CTRB2: variants seen among roughly 807,000 people sequenced by gnomAD.
The protein encoded by CTRB2 is chymotrypsin B2.
In CTRB2, 9 loss-of-function variants were observed where a neutral mutation model predicts 19.3. That is an observed-to-expected ratio of 0.47 (90% CI 0.28 to 0.81). The LOEUF is 0.81. Ranked by LOEUF, CTRB2 falls within the 40% of genes least tolerant of loss-of-function variation. The pLI is 0.11. For synonymous variants in CTRB2, 98 were observed against 117.3 expected (o/e 0.84, Z 1.06); for missense variants, 210 against 269.7 (o/e 0.78, Z 1.55).
Position 75,204,214 on chromosome 16 carries a change from C to G in CTRB2, c.739G>C (p.Ala247Pro). ...CAGGGTATGAGCTTGGCGACACGGG[C>G]GTACACAGCGGGCGTGGTGGTAGAG... ...TCSTTTPAVY[A>P]RVAKLIPWVQ... Residue 247 changes from alanine to proline, a missense_variant, in exon 7 of 7, where the codon GCC becomes CCC. This residue lies in a region of CTRB2 where 120 missense variants were observed against 90.8 expected (regional missense o/e 1.32). Coordinates refer to ENST00000303037, the MANE Select transcript of CTRB2 (RefSeq NM_001025200.4). The G allele has an allele frequency of 1.2e-6, 2 of 1,614,040 alleles. No homozygotes were observed. The highest frequency in any genetic ancestry group is 1.7e-6 in the Non-Finnish European group (2 of 1,179,954).
At chr16:75,204,359 G>A in intron 6 of CTRB2, 37 bp from the exon 7 acceptor site, 1 of 1,604,892 alleles carries the variant, frequency 6.2e-7, no homozygotes, top group East Asian at 2.2e-5. Flanking sequence ...AGGCCTGAAA[G>A]GGGTGCCAGG....
rs533062707 is a variant in CTRB2, at chr16:75,204,368, G to A, written c.631-46C>T. 1.9e-6 allele frequency: 3 copies of A among 1,586,236 alleles called. No individual in the cohort carries two copies. In the African/African-American group the frequency reaches 4.0e-5, roughly 21 times the overall value. On this transcript the variant is annotated intron_variant, in intron 6 of 6. Transcript: ENST00000303037. ...ATCTCTAGGCCTGAAAGGGGTGCCA[G>A]GGCCTAGGGGACCCTGACCTGGTGG...
At position 75,204,224 on chromosome 16, in the gene CTRB2, G is replaced by T. The variant is rs150936688; in HGVS notation, c.729C>A (p.Pro243=). 9.9e-6 allele frequency: 16 copies of T among 1,614,110 alleles called. 1 individual carries two copies. The highest frequency in any genetic ancestry group is 6.7e-5 in the East Asian group (3 of 44,878). The change falls in exon 7 of 7, where the codon CCC becomes CCA. Residue 243 remains proline, a synonymous_variant. Coordinates refer to ENST00000303037, the MANE Select transcript of CTRB2 (RefSeq NM_001025200.4). ...WGSRTCSTTT[P]AVYARVAKLI... is the part of the protein sequence containing the mutation. ...GCTTGGCGACACGGGCGTACACAGCGGGCGTGGTGGTAGAGCAGGTGCGGC... is the reference window on the plus strand; with the variant it reads ...GCTTGGCGACACGGGCGTACACAGCTGGCGTGGTGGTAGAGCAGGTGCGGC...
At position 75,207,091 on chromosome 16, in the gene CTRB2, G is replaced by A. The variant is rs753880164; in HGVS notation, c.51C>T (p.Phe17=). The A allele has an allele frequency of 7.4e-5, 115 of 1,555,386 alleles. No individual in the cohort carries two copies. Among genetic ancestry groups the A allele is most frequent in the Non-Finnish European group, 8.9e-5 (102 of 1,148,710 alleles). The change falls in exon 1 of 7, where the codon TTC becomes TTT. Residue 17 remains phenylalanine (F), a splice_region_variant and synonymous_variant. Coordinates refer to ENST00000303037, the MANE Select transcript of CTRB2 (RefSeq NM_001025200.4). Reference sequence around the variant, plus strand: ...GCCTCCGCAGGGCCTGGCACTCACCGAAGGTGGTACCCAGGAGGGCCCAGC... The same window carrying A: ...GCCTCCGCAGGGCCTGGCACTCACCAAAGGTGGTACCCAGGAGGGCCCAGC... ...LSCWALLGTT[F]GCGVPAIHPV...
chr16:75,207,157 G>T lies in CTRB2; in HGVS notation c.-16C>A. ...GGAAAGCCATGGTGCCGCTGGCAGG[G>T]GTGTAGGACGCCTGTCTGCCGGTCC... is the stretch of plus-strand genomic sequence containing the variant. On this transcript the variant is annotated 5_prime_UTR_variant, in exon 1 of 7. Coordinates refer to ENST00000303037, the MANE Select transcript of CTRB2 (RefSeq NM_001025200.4). 6.4e-7 allele frequency: 1 copy of T among 1,554,896 alleles called. No individual in the cohort carries two copies. The highest frequency in any genetic ancestry group is 8.7e-7 in the Non-Finnish European group (1 of 1,148,248).
chr16:75,207,079 C>G lies in CTRB2; in HGVS notation c.52+11G>C, dbSNP rs773684108. ...GAAAACCCTTCGGCCTCCGCAGGGC[C>G]TGGCACTCACCGAAGGTGGTACCCA... On this transcript the variant is annotated intron_variant, in intron 1 of 6. Transcript: ENST00000303037. 1 of 1,553,394 alleles carries G rather than the reference C, an allele frequency of 6.4e-7. No individual in the cohort carries two copies. The highest frequency in any genetic ancestry group is 1.2e-5 in the South Asian group (1 of 84,258).
chr16:75,204,747 C>G, intron 6 of CTRB2, 26 bp downstream of exon 6: 1 of 1,263,136 alleles, frequency 7.9e-7, no homozygotes, highest in Non-Finnish European at 1.1e-6. Flanking sequence ...CTCGCCTGGC[C>G]AGGGCCTGGG....
At chr16:75,204,374 A>C in intron 6 of CTRB2, 52 bp from the exon 7 acceptor site, 2 of 1,566,554 alleles carry the variant, frequency 1.3e-6, no homozygotes, top group Non-Finnish European at 1.7e-6. Flanking sequence ...GCCAGGGCCT[A>C]GGGGACCCTG....
Position 75,204,834 on chromosome 16 carries a change from C to T in CTRB2, c.569G>A (p.Trp190Ter). 2.9e-6 allele frequency: 4 copies of T among 1,378,136 alleles called. No individual in the cohort carries two copies. The highest frequency in any genetic ancestry group is 4.0e-6 in the Non-Finnish European group (4 of 1,006,666). The allele number at this position is 1,378,136 out of a possible 1,614,324, so 85.4% of individuals were successfully genotyped here. The change falls in exon 6 of 7, where the codon TGG (tryptophan) becomes TAG (stop). Residue 190 changes from tryptophan to a stop codon, truncating the protein, a stop_gained. Transcript: ENST00000303037. LOFTEE classifies it high-confidence loss of function. ...LLSNAECKKS[W>*]GRRITDVMIC... ...CATCACGTCGGTGATCCTCCTGCCC[C>T]AGGACTTCTTGCATTCGGCATTGGA...
intron 6 of CTRB2, 115 bp from the exon 7 acceptor site, chr16:75,204,437 G>A: frequency 1.9e-6 from 2 of 1,054,446 alleles, no homozygotes; most frequent in Non-Finnish European, 1.4e-6. Flanking sequence ...TGGGCATAGG[G>A]GCTGTGCCGG....
chr16:75,206,679 C>G (rs1442561358), intron 1 of CTRB2: 2 of 316,774 alleles, frequency 6.3e-6, no homozygotes, highest in Non-Finnish European at 1.2e-5. Flanking sequence ...GGGTGAGGCT[C>G]GAGGTTCTGA....
At position 75,207,049 on chromosome 16, in the gene CTRB2, G is replaced by T. The variant is rs558591104; in HGVS notation, c.52+41C>A. ...TTGCTGGCCTCGGGGCTGGGAGTGAGAGGAGAAAACCCTTCGGCCTCCGCA... is the reference window on the plus strand; with the variant it reads ...TTGCTGGCCTCGGGGCTGGGAGTGATAGGAGAAAACCCTTCGGCCTCCGCA... On this transcript the variant is annotated intron_variant, in intron 1 of 6. Transcript: ENST00000303037. 149 of 1,541,034 alleles carry T rather than the reference G, an allele frequency of 9.7e-5. 1 individual carries two copies. In the East Asian group the frequency reaches 3.6e-3, roughly 37 times the overall value.
In CTRB2 at chr16:75,204,800, G is replaced by A. The variant is rs772412270; in HGVS notation, c.603C>T (p.Ala201=). The change falls in exon 6 of 7, where the codon GCC becomes GCT. Residue 201 remains alanine, a synonymous_variant. Coordinates refer to ENST00000303037, the MANE Select transcript of CTRB2 (RefSeq NM_001025200.4). ...TGCAGGAGGAGACGCCACTGGCCCC[G>A]GCACAGATCATCACGTCGGTGATCC... ...GRRITDVMIC[A]GASGVSSCMG... 169 of 1,440,414 alleles carry A rather than the reference G, an allele frequency of 1.2e-4. 5 individuals are homozygous for A. In the South Asian group the frequency reaches 1.8e-3, roughly 15 times the overall value. 89.2% of individuals were successfully genotyped at this position (1,440,414 alleles called of 1,614,324 possible).
intron 1 of CTRB2, chr16:75,206,411 G>T (rs2038892882): frequency 3.4e-6 from 2 of 593,264 alleles, no homozygotes; most frequent in Non-Finnish European, 5.9e-6. Context: ...GAGGAATGGG[G>T]TGTTGGCCCC....
intron 1 of CTRB2, chr16:75,206,514 TG>T (rs1367219405): frequency 2.3e-6 from 1 of 440,800 alleles, no homozygotes; most frequent in East Asian, 3.9e-5. Flanking sequence ...GGTTTGAACC[TG>T]GCTCCCTCCC....
Position 75,204,192 on chromosome 16 carries a change from G to C in CTRB2, c.761C>G (p.Pro254Arg), listed in dbSNP as rs1241352613. The change falls in exon 7 of 7, where the codon CCC becomes CGC. Residue 254 changes from proline to arginine, a missense_variant. Transcript: ENST00000303037. The stretch of plus-strand genomic sequence containing the variant: ...GGCGGCCAGGATCTTCTGCACCCAG[G>C]GTATGAGCTTGGCGACACGGGCGTA... ...AVYARVAKLI[P>R]WVQKILAAN 3 of 1,614,132 alleles carry C rather than the reference G, an allele frequency of 1.9e-6. No individual in the cohort carries two copies. The highest frequency in any genetic ancestry group is 1.7e-5 in the Admixed American group (1 of 60,018).
Position 75,204,192 on chromosome 16 carries a change from G to A in CTRB2, c.761C>T (p.Pro254Leu), listed in dbSNP as rs1241352613. The A allele has an allele frequency of 3.1e-6, 5 of 1,614,132 alleles. No homozygotes were observed. In the East Asian group the frequency reaches 8.9e-5, roughly 29 times the overall value. Residue 254 changes from proline (P) to leucine (L), a missense_variant, in exon 7 of 7, where the codon CCC becomes CTC. Coordinates refer to ENST00000303037, the MANE Select transcript of CTRB2 (RefSeq NM_001025200.4). ...AVYARVAKLI[P>L]WVQKILAAN ...GGCGGCCAGGATCTTCTGCACCCAGGGTATGAGCTTGGCGACACGGGCGTA... is the reference window on the plus strand; with the variant it reads ...GGCGGCCAGGATCTTCTGCACCCAGAGTATGAGCTTGGCGACACGGGCGTA...
chr16:75,206,255 C>G (rs116929620), intron 1 of CTRB2, 62 bp from the exon 2 acceptor site: 17,675 of 1,477,040 alleles, frequency 0.012, 139 homozygotes, highest in Non-Finnish European at 0.014. Flanking sequence ...GCTCCAGCCT[C>G]CTCTCACTCC....
Position 75,207,126 on chromosome 16 carries a change from G to A in CTRB2, c.16C>T (p.Leu6Phe), listed in dbSNP as rs147238447. 1 of 1,558,916 alleles carries A rather than the reference G, an allele frequency of 6.4e-7. No individual in the cohort carries two copies. The change falls in exon 1 of 7, where the codon CTC becomes TTC. Residue 6 changes from leucine to phenylalanine, a missense_variant. This residue lies in a region of CTRB2 where 57 missense variants were observed against 72.6 expected (regional missense o/e 0.79). Transcript: ENST00000303037. ...CCCAGGAGGGCCCAGCAGGAGAGGA[G>A]CCAGAGGAAAGCCATGGTGCCGCTG... MAFLW[L>F]LSCWALLGTT...
Sources: allele counts gnomAD v4.1 joint callset, GRCh38; gene constraint gnomAD v4.1.1; regional missense constraint gnomAD v4.1.1; transcripts MANE v1.5; gene names NCBI Gene and HGNC (gene_info 2026-07-23, HGNC 2026-07-21).